Variants in SPOCK1 observed in about 807,000 individuals in gnomAD.
The protein encoded by SPOCK1 is testican-1.
Under a neutral mutation model 55.3 loss-of-function variants are expected in SPOCK1, and 23 were observed. The ratio of observed to expected loss-of-function variants is 0.42; its 90% CI spans 0.30 to 0.59. The LOEUF (loss-of-function observed/expected upper bound fraction) is 0.59, where lower values mean the gene tolerates loss of function less well. Among genes scored for constraint, SPOCK1 ranks in the 20% least tolerant of loss-of-function variants. SPOCK1 has a pLI of 0.22. For missense variants in SPOCK1, 499 were observed against 552.5 expected (o/e 0.90, Z 0.97); for synonymous variants, 226 against 221.0 (o/e 1.02, Z -0.20).
At chr5:137,337,803 G>A (rs1306939137) in intron 2 of SPOCK1, among the ~76,000 whole-genome samples, 1 of 152,204 alleles carries the variant, frequency 6.6e-6, no homozygotes, top group Non-Finnish European at 1.5e-5. Flanking sequence ...CCTTGTCATT[G>A]AAGAAGCATT....
At chr5:137,312,315 G>T (rs1409610184) in intron 2 of SPOCK1, among the ~76,000 whole-genome samples, 1 of 152,108 alleles carries the variant, frequency 6.6e-6, no homozygotes, top group Non-Finnish European at 1.5e-5. Flanking sequence ...AGACTCCAGG[G>T]TCTGGCCTAG....
intron 2 of SPOCK1, among the ~76,000 whole-genome samples, chr5:137,281,212 T>C (rs1352904903): frequency 1.3e-5 from 2 of 152,188 alleles, no homozygotes; most frequent in Non-Finnish European, 2.9e-5. Flanking sequence ...ACCCTAACAT[T>C]ATAATCTGGG....
intron 2 of SPOCK1, among the ~76,000 whole-genome samples, chr5:137,396,297 T>C (rs1284505206): frequency 6.6e-6 from 1 of 152,234 alleles, no homozygotes; most frequent in Non-Finnish European, 1.5e-5. Context: ...CTCAAAGGCA[T>C]TTGACTAGCA....
intron 6 of SPOCK1, among the ~76,000 whole-genome samples, chr5:137,060,954 G>A (rs1341802378): frequency 2.0e-5 from 3 of 152,188 alleles, no homozygotes; most frequent in African/African-American, 4.8e-5. Context: ...CTTTGATGCA[G>A]TTGCCAATTT....
intron 3 of SPOCK1, among the ~76,000 whole-genome samples, chr5:137,205,874 C>A (rs1461251612): frequency 6.6e-6 from 1 of 152,202 alleles, no homozygotes; most frequent in Admixed American, 6.5e-5. Context: ...TAAATTAATT[C>A]ATCTAGTCCT....
At chr5:137,210,842 C>G (rs1389813678) in intron 3 of SPOCK1, among the ~76,000 whole-genome samples, 1 of 152,240 alleles carries the variant, frequency 6.6e-6, no homozygotes, top group African/African-American at 2.4e-5. Flanking sequence ...TATCTAGACC[C>G]AAAATTGTCA....
chr5:137,422,178 G>C (rs1752513505), intron 2 of SPOCK1, among the ~76,000 whole-genome samples: 1 of 151,766 alleles, frequency 6.6e-6, no homozygotes, highest in Non-Finnish European at 1.5e-5. Flanking sequence ...CTGTTAGTCT[G>C]ATGGGGTAAC....
chr5:137,216,303 T>C lies in SPOCK1; in HGVS notation c.232+50707A>G, dbSNP rs114573842. Among the ~76,000 whole-genome samples, 534 of 152,344 alleles carry C rather than the reference T, an allele frequency of 3.5e-3. 3 individuals carry two copies. The highest frequency in any genetic ancestry group is 0.012 in the African/African-American group (515 of 41,590). ...GAAAGCATGCAAGAAACATTAGCTG[T>C]TATGGCTCATTCAGTTCAACATCCA... On this transcript the variant is annotated intron_variant, in intron 3 of 10. Transcript: ENST00000394945.
chr5:137,492,666 T>A (rs1018440904), intron 2 of SPOCK1, among the ~76,000 whole-genome samples: 2 of 152,232 alleles, frequency 1.3e-5, no homozygotes, highest in Non-Finnish European at 2.9e-5. Context: ...TGAGATTGCT[T>A]TAAGTTAAAT....
intron 3 of SPOCK1, among the ~76,000 whole-genome samples, chr5:137,155,567 C>T (rs953045823): frequency 4.6e-5 from 7 of 152,196 alleles, no homozygotes; most frequent in Non-Finnish European, 8.8e-5. Flanking sequence ...ACGGGGATAC[C>T]CTTTCTCCAA....
At chr5:137,195,566 G>A (rs1212149005) in intron 3 of SPOCK1, among the ~76,000 whole-genome samples, 1 of 152,236 alleles carries the variant, frequency 6.6e-6, no homozygotes, top group Non-Finnish European at 1.5e-5. Flanking sequence ...ATGGGGCTTA[G>A]GCATGACGGC....
intron 5 of SPOCK1, among the ~76,000 whole-genome samples, chr5:137,104,211 A>G (rs1046798403): frequency 3.3e-5 from 5 of 152,130 alleles, no homozygotes; most frequent in African/African-American, 1.2e-4. Flanking sequence ...AAGAGTTCTC[A>G]GGAGATCTGT....
rs567270200 is a variant in SPOCK1 at position 137,061,036 on chromosome 5, T to C, written c.589+6679A>G. The stretch of plus-strand genomic sequence containing the variant: ...CCCTAAAAAATATTCCTTTATGTGC[T>C]TAATTTCTGACCCAAATGTAGTACT... On this transcript the variant is annotated intron_variant, in intron 6 of 10. Transcript: ENST00000394945. Among the ~76,000 whole-genome samples, 186 of 152,372 alleles carry C rather than the reference T, an allele frequency of 1.2e-3. 1 individual carries two copies. Among genetic ancestry groups the C allele is most frequent in the African/African-American group, 4.3e-3 (177 of 41,582 alleles).
intron 3 of SPOCK1, among the ~76,000 whole-genome samples, chr5:137,168,619 G>T (rs1336361576): frequency 6.6e-6 from 1 of 152,090 alleles, no homozygotes; most frequent in Non-Finnish European, 1.5e-5. Context: ...CAACATCACT[G>T]ATCATCAGCG....
At chr5:137,222,721 C>G (rs1755877798) in intron 3 of SPOCK1, among the ~76,000 whole-genome samples, 1 of 152,160 alleles carries the variant, frequency 6.6e-6, no homozygotes, top group South Asian at 2.1e-4. Context: ...AAGTCAAATT[C>G]ATTCAACACA....
At chr5:137,278,472 T>A (rs1757110376) in intron 2 of SPOCK1, among the ~76,000 whole-genome samples, 1 of 152,122 alleles carries the variant, frequency 6.6e-6, no homozygotes, top group African/African-American at 2.4e-5. Context: ...CCAACAAGGC[T>A]TCCATGGAGA....
At chr5:137,162,263 G>A (rs914362821) in intron 3 of SPOCK1, among the ~76,000 whole-genome samples, 4 of 150,818 alleles carry the variant, frequency 2.7e-5, no homozygotes, top group African/African-American at 7.3e-5. Context: ...TCATTCTCCC[G>A]ACTAGCTGGG....
At chr5:137,310,942 C>T (rs1456103923) in intron 2 of SPOCK1, among the ~76,000 whole-genome samples, 1 of 152,154 alleles carries the variant, frequency 6.6e-6, no homozygotes, top group Admixed American at 6.5e-5. Flanking sequence ...GACAAAGGAA[C>T]AGAAGGACTG....
chr5:137,208,750 T>C (rs1198322978), intron 3 of SPOCK1, among the ~76,000 whole-genome samples: 1 of 151,970 alleles, frequency 6.6e-6, no homozygotes, highest in African/African-American at 2.4e-5. Flanking sequence ...AAATGAACTA[T>C]TGGATACTAT....
Sources: allele counts gnomAD v4.1 joint callset (sites outside exome capture counted in the v4.1 genomes callset), GRCh38; gene constraint gnomAD v4.1.1; transcripts MANE v1.5; gene names NCBI Gene and HGNC (gene_info 2026-07-23, HGNC 2026-07-21).